Variants in SLC12A5 observed in about 807,000 individuals in gnomAD.
SLC12A5 encodes solute carrier family 12 member 5, also known as K-Cl cotransporter 2.
A neutral mutation model predicts 124.0 loss-of-function variants in SLC12A5; 18 were observed. That is an observed-to-expected ratio of 0.15 (90% confidence interval 0.10 to 0.22). The LOEUF (loss-of-function observed/expected upper bound fraction) is 0.22, where lower values mean the gene tolerates loss of function less well. SLC12A5 is among the 10% of genes least tolerant of loss of function. The pLI, the probability that SLC12A5 is intolerant of heterozygous loss-of-function variation, is 1.00. For missense variants in SLC12A5, 867 were observed against 1,478.7 expected, an observed-to-expected ratio of 0.59 and a Z score of 6.78; for synonymous variants, 589 against 568.0, an observed-to-expected ratio of 1.04 and a Z score of -0.53.
In SLC12A5 at chr20:46,051,741, T is replaced by A. The variant is rs1370797692; in HGVS notation, c.2248T>A (p.Leu750Met). 1 of 1,611,352 alleles carries A rather than the reference T, an allele frequency of 6.2e-7. No individual in the cohort carries two copies. Among genetic ancestry groups the A allele is most frequent in the Non-Finnish European group, 8.5e-7 (1 of 1,178,672 alleles). ...GFCQVVISSN[L>M]RDGVSHLIQS... ...CTGCCAGGTGGTGATCTCCTCCAAC[T>A]TGCGTGATGGCGTGTCCCATCTGAT... The change falls in exon 18 of 26, where the codon TTG (leucine) becomes ATG (methionine). Residue 750 changes from leucine (L) to methionine (M), a missense_variant. Leu to Met is a conservative substitution (Grantham distance 15). Coordinates refer to ENST00000243964, the MANE Select transcript of SLC12A5 (RefSeq NM_020708.5).
At chr20:46,041,230 C>G in intron 7 of SLC12A5, 99 bp from the exon 8 acceptor site, 1 of 976,628 alleles carries the variant, frequency 1.0e-6, no homozygotes, top group Non-Finnish European at 1.6e-6. Context: ...ATATGGGGAC[C>G]TGGCGTCCGT....
At chr20:46,035,729 G>A (rs2084492420) in intron 3 of SLC12A5, 48 bp from the exon 4 acceptor site, 3 of 1,578,658 alleles carry the variant, frequency 1.9e-6, no homozygotes, top group East Asian at 4.5e-5. Flanking sequence ...CACCTGGGGT[G>A]TTCGTAATGA....
intron 13 of SLC12A5, 29 bp downstream of exon 13, chr20:46,046,025 C>T: frequency 1.9e-6 from 3 of 1,597,000 alleles, no homozygotes; most frequent in Non-Finnish European, 2.6e-6. Flanking sequence ...GCCCTCCCCC[C>T]TGGTTCAGGG....
At chr20:46,055,073 T>G in intron 21 of SLC12A5, 50 bp downstream of exon 21, 1 of 1,430,594 alleles carries the variant, frequency 7.0e-7, no homozygotes, top group Non-Finnish European at 9.9e-7. Context: ...CTGCCAGTTC[T>G]GGGTGGCAGG....
At chr20:46,026,450 G>C (rs1255105660), upstream of SLC12A5, among the ~76,000 whole-genome samples, 1 of 152,216 alleles carries the variant, frequency 6.6e-6, no homozygotes, top group Non-Finnish European at 1.5e-5. Flanking sequence ...CAGTGTGGTG[G>C]GTGCCTGCCA....
At chr20:46,040,287 G>C in intron 6 of SLC12A5, 86 bp from the exon 7 acceptor site, 1 of 1,564,330 alleles carries the variant, frequency 6.4e-7, no homozygotes, top group Middle Eastern at 2.0e-4. Context: ...ACTGTGCTGT[G>C]ATGAGCATCT....
intron 1 of SLC12A5, among the ~76,000 whole-genome samples, chr20:46,034,162 T>C (rs1347225650): frequency 1.3e-5 from 2 of 152,208 alleles, no homozygotes; most frequent in African/African-American, 2.4e-5. Flanking sequence ...CTCTGGGCCA[T>C]TGAACATGCT....
intron 1 of SLC12A5, chr20:46,022,598 A>C: frequency 2.7e-6 from 1 of 374,440 alleles, no homozygotes; most frequent in Non-Finnish European, 4.7e-6. Flanking sequence ...GATCCTGGGC[A>C]GCGAGATTCA....
At chr20:46,031,161 TG>T (rs1015913419) in intron 1 of SLC12A5, among the ~76,000 whole-genome samples, 2 of 152,176 alleles carry the variant, frequency 1.3e-5, no homozygotes, top group African/African-American at 4.8e-5. Flanking sequence ...CACCAGGCCT[TG>T]GGGTTTCCAC....
chr20:46,033,192 C>T (rs564097338), intron 1 of SLC12A5, among the ~76,000 whole-genome samples: 2 of 152,072 alleles, frequency 1.3e-5, no homozygotes, highest in African/African-American at 2.4e-5. Context: ...GAAGGTTTCC[C>T]GGAGGTAGAG....
intron 14 of SLC12A5, 57 bp downstream of exon 14, chr20:46,046,493 C>G: frequency 1.4e-6 from 2 of 1,474,118 alleles, no homozygotes; most frequent in Admixed American, 3.4e-5. Context: ...CACGCCAATC[C>G]TCATCTTACT....
In SLC12A5 at chr20:46,045,875, C is replaced by T; in HGVS notation, c.1570-3C>T. ...AGTCCCATGATGATTGCTCTTTCCC[C>T]AGGTCTTTGGCCATGGCAAGGCCAA... On this transcript the variant is annotated splice_region_variant and splice_polypyrimidine_tract_variant and intron_variant, in intron 12 of 25. Coordinates refer to ENST00000243964, the MANE Select transcript of SLC12A5 (RefSeq NM_020708.5). This position sits in a 1 kb window ranked among gnomAD's most constrained non-coding sequence, Gnocchi z 4.9. 2 of 1,613,530 alleles carry T rather than the reference C, an allele frequency of 1.2e-6. No homozygotes were observed. Among genetic ancestry groups the T allele is most frequent in the Non-Finnish European group, 1.7e-6 (2 of 1,179,496 alleles).
In SLC12A5 at chr20:46,056,830, G is replaced by A; in HGVS notation, c.3111-67G>A. ...CAGATGACCATGGCCCAAGCCCCCA[G>A]TGTCTTCCTCTTTTTCTGACTCTGC... is the stretch of plus-strand genomic sequence containing the variant. On this transcript the variant is annotated intron_variant, in intron 23 of 25. Coordinates refer to ENST00000243964, the MANE Select transcript of SLC12A5 (RefSeq NM_020708.5). The surrounding 1 kb of genome is among the most constrained non-coding windows in gnomAD (Gnocchi z 4.3). 5 of 1,549,324 alleles carry A rather than the reference G, an allele frequency of 3.2e-6. No homozygotes were observed. Among genetic ancestry groups the A allele is most frequent in the Non-Finnish European group, 4.5e-6 (5 of 1,122,928 alleles).
At chr20:46,039,225 T>C (rs2145486560) in intron 6 of SLC12A5, among the ~76,000 whole-genome samples, 1 of 152,332 alleles carries the variant, frequency 6.6e-6, no homozygotes, top group Non-Finnish European at 1.5e-5. Flanking sequence ...ATGTAAACGT[T>C]AATATTTAGC....
chr20:46,045,278 G>C lies in SLC12A5; in HGVS notation c.1569+138G>C. The C allele has an allele frequency of 9.4e-7, 1 of 1,062,766 alleles. No homozygotes were observed. The highest frequency in any genetic ancestry group is 1.3e-6 in the Non-Finnish European group (1 of 769,754). The allele number at this position is 1,062,766 out of a possible 1,614,324, so 65.8% of individuals were successfully genotyped here. A position where few individuals can be genotyped will look rare whatever the true frequency, so the allele number is the denominator to read the frequency against. On this transcript the variant is annotated intron_variant, in intron 12 of 25. Transcript: ENST00000243964. This position sits in a 1 kb window ranked among gnomAD's most constrained non-coding sequence, Gnocchi z 4.9. ...TTCTGCTCTGTACTGCACTGGCCAGGCCTATCTGGCAGGGTCTGAGGCACA... is the reference window on the plus strand; with the variant it reads ...TTCTGCTCTGTACTGCACTGGCCAGCCCTATCTGGCAGGGTCTGAGGCACA...
Position 46,045,953 on chromosome 20 carries a change from A to G in SLC12A5, c.1645A>G (p.Ile549Val), listed in dbSNP as rs762984846. ...GACTGCCTGCATCTGCGAGATTGGC[A>G]TCCTCATTGCATCCCTCGACGAGGT... ...LLTACICEIG[I>V]LIASLDEVAP... The change falls in exon 13 of 26, where the codon ATC becomes GTC. Residue 549 changes from isoleucine to valine, a missense_variant. Around this residue, in one of 9 missense-constraint regions of SLC12A5, gnomAD observed 152 missense variants for 358.7 expected, o/e 0.42. Coordinates refer to ENST00000243964, the MANE Select transcript of SLC12A5 (RefSeq NM_020708.5). The surrounding 1 kb of genome is among the most constrained non-coding windows in gnomAD (Gnocchi z 4.9). The G allele has an allele frequency of 7.4e-6, 12 of 1,614,104 alleles. No individual in the cohort carries two copies. The highest frequency in any genetic ancestry group is 9.3e-6 in the Non-Finnish European group (11 of 1,180,010).
Position 46,056,456 on chromosome 20 carries a change from CGGA to C in SLC12A5, c.3004_3006del (p.Glu1002del). The C allele has an allele frequency of 1.9e-6, 3 of 1,614,110 alleles. No homozygotes were observed. The highest frequency in any genetic ancestry group is 2.5e-6 in the Non-Finnish European group (3 of 1,179,996). Reference sequence around the variant, plus strand: ...CCTGAGGGGGAAGGGGAGACAGATCCGGAGAAGGTGCATCTCACCTGGACCAAG... The same window carrying C: ...CCTGAGGGGGAAGGGGAGACAGATCCGAAGGTGCATCTCACCTGGACCAAG... On this transcript the variant is annotated inframe_deletion, in exon 23 of 26. Coordinates refer to ENST00000243964, the MANE Select transcript of SLC12A5 (RefSeq NM_020708.5). The surrounding 1 kb of genome is among the most constrained non-coding windows in gnomAD (Gnocchi z 4.3).
chr20:46,057,704 G>A lies in SLC12A5; in HGVS notation c.*99G>A. The A allele has an allele frequency of 1.1e-6, 1 of 923,454 alleles. No individual in the cohort carries two copies. The highest frequency in any genetic ancestry group is 1.7e-5 in the South Asian group (1 of 57,884). The allele number at this position is 923,454 out of a possible 1,614,324, so 57.2% of individuals were successfully genotyped here. A position where few individuals can be genotyped will look rare whatever the true frequency, so the allele number is the denominator to read the frequency against. On this transcript the variant is annotated 3_prime_UTR_variant, in exon 26 of 26. Transcript: ENST00000243964. The surrounding 1 kb of genome is among the most constrained non-coding windows in gnomAD (Gnocchi z 7.1). The stretch of plus-strand genomic sequence containing the variant: ...CTGTCACCGTTTACATACAGACCCT[G>A]TGCCCGTGTCCTGGCCCCTTACCCC...
At position 46,053,724 on chromosome 20, in the gene SLC12A5, G is replaced by A; in HGVS notation, c.2679+15G>A. 1 of 1,561,444 alleles carries A rather than the reference G, an allele frequency of 6.4e-7. No homozygotes were observed. The highest frequency in any genetic ancestry group is 8.7e-7 in the Non-Finnish European group (1 of 1,149,620). ...TGGTGGAGATGGTGAGTCCCCAGGA[G>A]ACACCGCTGGGGTTCCACCTGGCCC... On this transcript the variant is annotated intron_variant, in intron 20 of 25. Coordinates refer to ENST00000243964, the MANE Select transcript of SLC12A5 (RefSeq NM_020708.5). The surrounding 1 kb of genome is among the most constrained non-coding windows in gnomAD (Gnocchi z 4.7).
Sources: allele counts gnomAD v4.1 joint callset (sites outside exome capture counted in the v4.1 genomes callset), GRCh38; gene constraint gnomAD v4.1.1; regional missense constraint gnomAD v4.1.1; non-coding constraint Gnocchi (gnomAD v3.1); transcripts MANE v1.5; gene names NCBI Gene and HGNC (gene_info 2026-07-23, HGNC 2026-07-21).